Variants in MIEF2 observed in about 807,000 individuals in gnomAD.
MIEF2 encodes the protein mitochondrial elongation factor 2, also known as mitochondrial dynamics protein MID49.
A neutral mutation model predicts 7.4 loss-of-function variants in MIEF2; 1 was observed. That is an observed-to-expected ratio of 0.14 (90% CI 0.05 to 0.64). The LOEUF is 0.64. Ranked by LOEUF, MIEF2 falls within the 30% of genes least tolerant of loss-of-function variation. The pLI is 0.85. For synonymous variants in MIEF2, 275 were observed against 290.5 expected (o/e 0.95, Z 0.54); for missense variants, 569 against 623.9 (o/e 0.91, Z 0.94).
chr17:18,262,888 C>A, intron 2 of MIEF2, 21 bp downstream of exon 2: 2 of 1,530,788 alleles, frequency 1.3e-6, no homozygotes, highest in South Asian at 1.3e-5. Context: ...GTGGGCGGGT[C>A]ATGCCTGAAG....
chr17:18,263,502 T>G (rs916926111), intron 3 of MIEF2: 9 of 838,014 alleles, frequency 1.1e-5, no homozygotes, highest in Non-Finnish European at 1.7e-5. Flanking sequence ...TGCATGAAGC[T>G]GTTGTCGCCA....
At chr17:18,262,594 C>G in intron 1 of MIEF2, 120 bp from the exon 2 acceptor site, 7 of 950,994 alleles carry the variant, frequency 7.4e-6, no homozygotes, top group East Asian at 3.1e-5. Flanking sequence ...GAAAGCCCCC[C>G]TCATGGGCTC....
chr17:18,265,009 T>G lies in MIEF2; in HGVS notation c.*245T>G. 2 of 544,390 alleles carry G rather than the reference T, an allele frequency of 3.7e-6. No individual in the cohort carries two copies. Among genetic ancestry groups the G allele is most frequent in the East Asian group, 3.5e-5 (1 of 28,892 alleles). The allele number at this position is 544,390 out of a possible 1,614,324, so 33.7% of individuals were successfully genotyped here. A position where few individuals can be genotyped will look rare whatever the true frequency, so the allele number is the denominator to read the frequency against. ...CTCAGGCAGCTTGGAGTGCCAGCCATTCCTGCAAGCACCGTTTCAGCTCTT... is the reference window on the plus strand; with the variant it reads ...CTCAGGCAGCTTGGAGTGCCAGCCAGTCCTGCAAGCACCGTTTCAGCTCTT... On this transcript the variant is annotated 3_prime_UTR_variant, in exon 4 of 4. Coordinates refer to ENST00000323019, the MANE Select transcript of MIEF2 (RefSeq NM_139162.4).
At position 18,264,805 on chromosome 17, in the gene MIEF2, G is replaced by T; in HGVS notation, c.*41G>T. On this transcript the variant is annotated 3_prime_UTR_variant, in exon 4 of 4. Coordinates refer to ENST00000323019, the MANE Select transcript of MIEF2 (RefSeq NM_139162.4). ...TGGTTGCCATGTTTTCTAATGCTGG[G>T]GAGCTGCACCCACCTCCCTTCCAGG... 3 of 1,569,162 alleles carry T rather than the reference G, an allele frequency of 1.9e-6. No individual in the cohort carries two copies. The highest frequency in any genetic ancestry group is 2.6e-6 in the Non-Finnish European group (3 of 1,154,940).
chr17:18,261,136 A>G (rs1978391807), intron 1 of MIEF2: 3 of 1,551,402 alleles, frequency 1.9e-6, no homozygotes, highest in Non-Finnish European at 2.6e-6. Flanking sequence ...CCCGCCAGAG[A>G]TGGGGCTGAG....
chr17:18,262,642 G>T, intron 1 of MIEF2, 72 bp from the exon 2 acceptor site: 1 of 1,417,668 alleles, frequency 7.1e-7, no homozygotes, highest in Non-Finnish European at 9.4e-7. Flanking sequence ...TAGAGCACCT[G>T]TCCACAGCAG....
intron 3 of MIEF2, chr17:18,263,491 C>G (rs1453804649): frequency 1.2e-5 from 10 of 823,492 alleles, no homozygotes; most frequent in Admixed American, 6.5e-5. Flanking sequence ...CCTACCTACT[C>G]TGCATGAAGC....
intron 1 of MIEF2, chr17:18,260,967 C>A: frequency 1.3e-6 from 1 of 747,590 alleles, no homozygotes; most frequent in Non-Finnish European, 2.2e-6. Flanking sequence ...GGCTGCTGCG[C>A]GGCCTGCTCC....
chr17:18,261,071 C>G, intron 1 of MIEF2: 1 of 1,543,312 alleles, frequency 6.5e-7, no homozygotes, highest in Non-Finnish European at 8.8e-7. Flanking sequence ...TTCAGCCACC[C>G]GTGCCCTTTC....
intron 1 of MIEF2, among the ~76,000 whole-genome samples, chr17:18,261,537 T>A (rs972932700): frequency 3.3e-5 from 5 of 152,192 alleles, no homozygotes; most frequent in Non-Finnish European, 7.3e-5. Context: ...GGTGTCTAAC[T>A]GATGTCCTAA....
rs2142909156 is a variant in MIEF2 at position 18,264,831 on chromosome 17, G to T, written c.*67G>T. ...GAGCTGCACCCACCTCCCTTCCAGGGATTTGAATAGTGGTTTTTCTCTAGC... is the reference window on the plus strand; with the variant it reads ...GAGCTGCACCCACCTCCCTTCCAGGTATTTGAATAGTGGTTTTTCTCTAGC... On this transcript the variant is annotated 3_prime_UTR_variant, in exon 4 of 4. Transcript: ENST00000323019. 1.3e-6 allele frequency: 2 copies of T among 1,529,754 alleles called. No homozygotes were observed. The highest frequency in any genetic ancestry group is 4.6e-5 in the East Asian group (2 of 43,952). 94.8% of individuals were successfully genotyped at this position (1,529,754 alleles called of 1,614,324 possible). A position where few individuals can be genotyped will look rare whatever the true frequency, so the allele number is the denominator to read the frequency against.
At chr17:18,263,504 T>C in intron 3 of MIEF2, 1 of 846,894 alleles carries the variant, frequency 1.2e-6, no homozygotes, top group Non-Finnish European at 1.9e-6. Flanking sequence ...CATGAAGCTG[T>C]TGTCGCCAGG....
In MIEF2 at chr17:18,264,357, T is replaced by C. The variant is rs776487474; in HGVS notation, c.958T>C (p.Trp320Arg). 22 of 1,605,158 alleles carry C rather than the reference T, an allele frequency of 1.4e-5. No homozygotes were observed. Among genetic ancestry groups the C allele is most frequent in the African/African-American group, 2.7e-5 (2 of 74,934 alleles). The change falls in exon 4 of 4, where the codon TGG becomes CGG. Residue 320 changes from tryptophan (W) to arginine (R), a missense_variant. By Grantham distance (101) the Trp-to-Arg change is moderately radical. Coordinates refer to ENST00000323019, the MANE Select transcript of MIEF2 (RefSeq NM_139162.4). The stretch of plus-strand genomic sequence containing the variant: ...TGCTGACGACCGCCTCCTCTTGGCC[T>C]GGCCCCTGGAGGGGCTGGCGGGGAA... ...VDADDRLLLA[W>R]PLEGLAGNLW...
chr17:18,264,828 A>G lies in MIEF2; in HGVS notation c.*64A>G, dbSNP rs1978663917. ...GGGGAGCTGCACCCACCTCCCTTCC[A>G]GGGATTTGAATAGTGGTTTTTCTCT... On this transcript the variant is annotated 3_prime_UTR_variant, in exon 4 of 4. Coordinates refer to ENST00000323019, the MANE Select transcript of MIEF2 (RefSeq NM_139162.4). 1.3e-6 allele frequency: 2 copies of G among 1,542,942 alleles called. No homozygotes were observed. Among genetic ancestry groups the G allele is most frequent in the Non-Finnish European group, 1.7e-6 (2 of 1,143,682 alleles).
At chr17:18,262,587 AG>A in intron 1 of MIEF2, 126 bp from the exon 2 acceptor site, 1 of 856,918 alleles carries the variant, frequency 1.2e-6, no homozygotes, top group Non-Finnish European at 1.7e-6. Context: ...ATTCTCAGAA[AG>A]CCCCCCTCAT....
chr17:18,264,758 G>T lies in MIEF2; in HGVS notation c.1359G>T (p.Leu453=). The change falls in exon 4 of 4, where the codon CTG becomes CTT. Residue 453 remains leucine, a synonymous_variant. Transcript: ENST00000323019. The part of the protein sequence containing the change: ...LYSGLQEPEG[L]L Reference sequence around the variant, plus strand: ...GTGGCCTACAGGAGCCCGAGGGGCTGCTCTAGGTGGGTGGAAACGGGTGGT... The same window carrying T: ...GTGGCCTACAGGAGCCCGAGGGGCTTCTCTAGGTGGGTGGAAACGGGTGGT... 2 of 1,597,144 alleles carry T rather than the reference G, an allele frequency of 1.3e-6. No individual in the cohort carries two copies. Among genetic ancestry groups the T allele is most frequent in the Non-Finnish European group, 1.7e-6 (2 of 1,167,946 alleles).
At position 18,264,817 on chromosome 17, in the gene MIEF2, A is replaced by C. The variant is rs1470475318; in HGVS notation, c.*53A>C. The C allele has an allele frequency of 6.4e-7, 1 of 1,553,710 alleles. No individual in the cohort carries two copies. The highest frequency in any genetic ancestry group is 1.4e-5 in the African/African-American group (1 of 73,098). On this transcript the variant is annotated 3_prime_UTR_variant, in exon 4 of 4. Coordinates refer to ENST00000323019, the MANE Select transcript of MIEF2 (RefSeq NM_139162.4). ...TTTCTAATGCTGGGGAGCTGCACCC[A>C]CCTCCCTTCCAGGGATTTGAATAGT... is the stretch of plus-strand genomic sequence containing the variant.
Position 18,263,963 on chromosome 17 carries a change from G to A in MIEF2, c.564G>A (p.Ala188=), listed in dbSNP as rs760293425. 44 of 1,582,284 alleles carry A rather than the reference G, an allele frequency of 2.8e-5. No homozygotes were observed. In the East Asian group the frequency reaches 3.8e-4, roughly 14 times the overall value. The change falls in exon 4 of 4, where the codon GCG becomes GCA. Residue 188 remains alanine, a synonymous_variant. Transcript: ENST00000323019. ...PGGPLYDGLQ[A]GAADHVRLLV... is the part of the protein sequence containing the mutation. ...GGCCGCTCTACGACGGGCTGCAGGC[G>A]GGGGCTGCGGACCATGTGCGTCTCC...
At position 18,261,252 on chromosome 17, in the gene MIEF2, T is replaced by G. The variant is rs374656118; in HGVS notation, c.-8+515T>G. 8.6e-5 allele frequency: 125 copies of G among 1,453,846 alleles called. No individual in the cohort carries two copies. In the East Asian group the frequency reaches 1.7e-3, roughly 20 times the overall value. 90.1% of individuals were successfully genotyped at this position (1,453,846 alleles called of 1,614,324 possible). ...GCAGTATTGATCCCCGAGTCACCGA[T>G]GAGGAGATTGAAACCGGCCCTGGGG... On this transcript the variant is annotated intron_variant, in intron 1 of 3. Transcript: ENST00000323019.
Sources: allele counts gnomAD v4.1 joint callset (sites outside exome capture counted in the v4.1 genomes callset), GRCh38; gene constraint gnomAD v4.1.1; transcripts MANE v1.5; gene names NCBI Gene and HGNC (gene_info 2026-07-23, HGNC 2026-07-21).